NAV2: variants seen among roughly 807,000 people sequenced by gnomAD.
The protein encoded by NAV2 is neuron navigator 2.
In NAV2, 54 loss-of-function variants were observed where a neutral mutation model predicts 223.2. The ratio of observed to expected loss-of-function variants is 0.24; its 90% confidence interval spans 0.19 to 0.30. NAV2 has a LOEUF of 0.30. Ranked by LOEUF, NAV2 falls within the 10% of genes least tolerant of loss-of-function variation. The pLI is 1.00. For missense variants in NAV2, 2,806 were observed against 3,147.5 expected (o/e 0.89, Z 2.60); for synonymous variants, 1,279 against 1,239.3 (o/e 1.03, Z -0.67).
intron 19 of NAV2, chr11:20,056,487 A>T (rs962127847): frequency 7.6e-7 from 1 of 1,313,274 alleles, no homozygotes; most frequent in South Asian, 1.2e-5. Context: ...GCTAACTGAG[A>T]ATATTTGGGG....
chr11:19,776,361 C>T (rs966772528), intron 1 of NAV2, among the ~76,000 whole-genome samples: 2 of 152,112 alleles, frequency 1.3e-5, no homozygotes, highest in African/African-American at 4.8e-5. Flanking sequence ...AAGGAAGGCA[C>T]CCGGGGCCTG....
At chr11:19,598,900 A>G (rs2046283154) in intron 1 of NAV2, among the ~76,000 whole-genome samples, 2 of 150,370 alleles carry the variant, frequency 1.3e-5, no homozygotes, top group Admixed American at 6.6e-5. Flanking sequence ...GTGTGTGTGC[A>G]TTTGGTGATC....
At chr11:19,972,226 C>T (rs1317287401) in intron 10 of NAV2, among the ~76,000 whole-genome samples, 1 of 152,220 alleles carries the variant, frequency 6.6e-6, no homozygotes, top group Non-Finnish European at 1.5e-5. Context: ...CCTGCTCCCT[C>T]CCTGGAGATA....
At chr11:20,016,304 G>GC (rs1429651722) in intron 11 of NAV2, among the ~76,000 whole-genome samples, 3 of 152,182 alleles carry the variant, frequency 2.0e-5, no homozygotes, top group Non-Finnish European at 4.4e-5. Context: ...ACATGGTCCT[G>GC]TTCCTTAGCT....
chr11:20,098,161 G>A (rs535613246), intron 31 of NAV2, among the ~76,000 whole-genome samples: 5 of 152,228 alleles, frequency 3.3e-5, no homozygotes, highest in African/African-American at 1.2e-4. Flanking sequence ...GCTGAAGCTT[G>A]TGCCCACGCA....
chr11:19,779,709 G>C (rs1015322662), intron 1 of NAV2, among the ~76,000 whole-genome samples: 1 of 152,222 alleles, frequency 6.6e-6, no homozygotes, highest in African/African-American at 2.4e-5. Context: ...AGAGTTGGAA[G>C]CATGTTTGTC....
intron 1 of NAV2, among the ~76,000 whole-genome samples, chr11:19,714,913 TG>T (rs1195192605): frequency 6.6e-6 from 1 of 152,120 alleles, no homozygotes; most frequent in East Asian, 1.9e-4. Flanking sequence ...CAGGGACTTT[TG>T]GGGACAGGCC....
At chr11:19,559,262 A>C (rs1023674981) in intron 1 of NAV2, among the ~76,000 whole-genome samples, 3 of 152,216 alleles carry the variant, frequency 2.0e-5, no homozygotes, top group Admixed American at 1.3e-4. Context: ...TCCCAAGATC[A>C]CATGTCAGGT....
intron 1 of NAV2, among the ~76,000 whole-genome samples, chr11:19,617,670 A>AT (rs1193095169): frequency 4.6e-5 from 7 of 152,338 alleles, no homozygotes; most frequent in African/African-American, 1.7e-4. Context: ...TGGTCCCAGG[A>AT]ATGGCCTCCC....
At chr11:19,909,573 T>C (rs1260000020) in intron 6 of NAV2, among the ~76,000 whole-genome samples, 1 of 152,038 alleles carries the variant, frequency 6.6e-6, no homozygotes, top group Non-Finnish European at 1.5e-5. Context: ...GGGGAAGAGG[T>C]GGGGAGTTGG....
intron 1 of NAV2, among the ~76,000 whole-genome samples, chr11:19,546,332 G>A (rs1298527737): frequency 2.6e-5 from 4 of 152,222 alleles, no homozygotes; most frequent in East Asian, 1.9e-4. Context: ...TGCTGAGGGC[G>A]AGACAGACTG....
chr11:20,103,218 C>T (rs371195822), intron 32 of NAV2, 37 bp from the exon 33 acceptor site: 13 of 1,587,496 alleles, frequency 8.2e-6, no homozygotes, highest in South Asian at 1.2e-5. Flanking sequence ...AGTGCATTCA[C>T]CCACTTGTTC....
chr11:19,537,376 A>G (rs1427552742), intron 1 of NAV2, among the ~76,000 whole-genome samples: 1 of 152,212 alleles, frequency 6.6e-6, no homozygotes, highest in African/African-American at 2.4e-5. Flanking sequence ...GTCTAATATT[A>G]TTATCTCCAT....
At chr11:19,985,735 C>T (rs1202713917) in intron 11 of NAV2, among the ~76,000 whole-genome samples, 1 of 151,990 alleles carries the variant, frequency 6.6e-6, no homozygotes, top group Non-Finnish European at 1.5e-5. Flanking sequence ...TACCAGCATG[C>T]CCAGCTAATT....
chr11:19,833,233 A>C (rs1378851211), intron 2 of NAV2, among the ~76,000 whole-genome samples: 6 of 152,222 alleles, frequency 3.9e-5, no homozygotes, highest in Non-Finnish European at 8.8e-5. Context: ...AGCCCAGAGC[A>C]GACAGAGGAG....
chr11:19,693,197 C>G (rs1369557805), intron 1 of NAV2, among the ~76,000 whole-genome samples: 1 of 152,250 alleles, frequency 6.6e-6, no homozygotes, highest in South Asian at 2.1e-4. Flanking sequence ...GGTGGTGCCT[C>G]TGCGTGTGAC....
intron 1 of NAV2, among the ~76,000 whole-genome samples, chr11:19,368,021 A>G (rs922601910): frequency 2.0e-5 from 3 of 152,206 alleles, no homozygotes; most frequent in African/African-American, 7.2e-5. Context: ...CAGAATAGGC[A>G]ATTAGATTTT....
At chr11:19,457,912 T>G (rs1852012454) in intron 1 of NAV2, among the ~76,000 whole-genome samples, 1 of 151,906 alleles carries the variant, frequency 6.6e-6, no homozygotes, top group South Asian at 2.1e-4. Flanking sequence ...GGCACAGAAG[T>G]GGGTTGCTGG....
intron 1 of NAV2, 49 bp from the exon 2 acceptor site, chr11:19,832,435 G>A (rs778140119): frequency 6.8e-7 from 1 of 1,467,308 alleles, no homozygotes; most frequent in African/African-American, 1.4e-5. Context: ...CAGACTCTGA[G>A]AGGGGATCCG....
Sources: allele counts gnomAD v4.1 joint callset (sites outside exome capture counted in the v4.1 genomes callset), GRCh38; gene constraint gnomAD v4.1.1; transcripts MANE v1.5; gene names NCBI Gene and HGNC (gene_info 2026-07-23, HGNC 2026-07-21).